RARB: variants seen among roughly 807,000 people sequenced by gnomAD.
RARB encodes retinoic acid receptor beta, also known as HBV-activated protein.
RARB carries 17 observed loss-of-function variants against 51.9 expected under a neutral mutation model. The ratio of observed to expected loss-of-function variants is 0.33; its 90% CI spans 0.22 to 0.49. The LOEUF is 0.49. Among genes scored for constraint, RARB ranks in the 20% least tolerant of loss-of-function variants. The pLI, the probability that RARB is intolerant of heterozygous loss-of-function variation, is 0.99. For missense variants in RARB, 369 were observed against 550.8 expected (o/e 0.67, Z 3.30); for synonymous variants, 215 against 195.4 (o/e 1.10, Z -0.84).
chr3:25,184,916 T>C (rs1015878488), intron 5 of RARB, among the ~76,000 whole-genome samples: 2 of 151,830 alleles, frequency 1.3e-5, no homozygotes, highest in African/African-American at 4.8e-5. Context: ...AAAAAAAAAG[T>C]AAAAACTTAG....
intron 1 of RARB, among the ~76,000 whole-genome samples, chr3:24,850,446 A>T (rs777196055): frequency 1.1e-4 from 17 of 152,170 alleles, no homozygotes; most frequent in Non-Finnish European, 2.2e-4. Flanking sequence ...GCTCAACAGG[A>T]TGGGGATGTT....
intron 3 of RARB, among the ~76,000 whole-genome samples, chr3:25,515,371 C>T (rs1272034903): frequency 6.6e-6 from 1 of 152,150 alleles, no homozygotes; most frequent in African/African-American, 2.4e-5. Flanking sequence ...TTGGCAGTAT[C>T]TCCTAAAGCT....
chr3:25,028,565 C>T (rs954096098), intron 2 of RARB, among the ~76,000 whole-genome samples: 4 of 151,846 alleles, frequency 2.6e-5, no homozygotes, highest in Admixed American at 6.6e-5. Context: ...CTGATAAAAA[C>T]AGTTATAGGT....
rs769275874 is a variant in RARB, at chr3:24,989,774, CTTTTTTTTTTTTTTTTTTTTTT to C, written c.-379-70336_-379-70315del. Among the ~76,000 whole-genome samples, 66 of 29,532 alleles carry C rather than the reference CTTTTTTTTTTTTTTTTTTTTTT, an allele frequency of 2.2e-3. 17 individuals carry two copies. Among genetic ancestry groups the C allele is most frequent in the African/African-American group, 7.7e-3 (61 of 7,882 alleles). The allele number at this position is 29,532 out of a possible 152,430, so 19.4% of individuals were successfully genotyped here. A position where few individuals can be genotyped will look rare whatever the true frequency, so the allele number is the denominator to read the frequency against. On this transcript the variant is annotated intron_variant, in intron 2 of 11. Coordinates refer to the RARB transcript ENST00000383772. ...ATTTTAACTGTTGTCATATGTTTTT[CTTTTTTTTTTTTTTTTTTTTTT>C]TTTTTTTTTTTTTTGAGACGGAGTC...
chr3:24,904,088 A>G (rs979709756), intron 2 of RARB, among the ~76,000 whole-genome samples: 6 of 152,228 alleles, frequency 3.9e-5, no homozygotes, highest in Non-Finnish European at 8.8e-5. Context: ...TTAATTTTAG[A>G]AACAACAAGA....
At chr3:25,589,941 T>G (rs1186294783) in intron 5 of RARB, among the ~76,000 whole-genome samples, 1 of 152,174 alleles carries the variant, frequency 6.6e-6, no homozygotes, top group Admixed American at 6.5e-5. Context: ...TTGATTTTAG[T>G]GTGACAAAAT....
chr3:24,919,143 T>C (rs1366158421), intron 2 of RARB, among the ~76,000 whole-genome samples: 2 of 152,172 alleles, frequency 1.3e-5, no homozygotes, highest in Non-Finnish European at 2.9e-5. Flanking sequence ...ATTTAACACA[T>C]TGAGAGCTTA....
At chr3:25,332,634 C>G (rs191605621) in intron 5 of RARB, among the ~76,000 whole-genome samples, 152 of 152,310 alleles carry the variant, frequency 1.0e-3, no homozygotes, top group Non-Finnish European at 1.7e-3. Context: ...GATGACCTCT[C>G]TCACCACTCC....
At chr3:25,150,808 G>C (rs921386110) in intron 4 of RARB, among the ~76,000 whole-genome samples, 4 of 152,182 alleles carry the variant, frequency 2.6e-5, no homozygotes, top group Admixed American at 2.0e-4. Context: ...AGTAGTTTTA[G>C]AAACCCAAGA....
At chr3:25,435,480 A>G (rs1367342111) in intron 1 of RARB, among the ~76,000 whole-genome samples, 1 of 152,154 alleles carries the variant, frequency 6.6e-6, no homozygotes, top group East Asian at 1.9e-4. Flanking sequence ...AAGGCCGATG[A>G]TCTGAAGGCC....
chr3:25,338,433 T>G (rs890903200), intron 5 of RARB, among the ~76,000 whole-genome samples: 12 of 152,196 alleles, frequency 7.9e-5, no homozygotes, highest in Non-Finnish European at 4.4e-5. Context: ...CAGAGAGACA[T>G]TCTCTTTGCC....
rs534210372 is a variant in RARB, at chr3:25,108,584, C to CTGCCAGGA, written c.-327-23576_-327-23569dup. ...GACTCAGTCGCGTGGTCACATCTAA[C>CTGCCAGGA]TGCCAGGAAGCCTGGGAAATGTCTA... On this transcript the variant is annotated intron_variant, in intron 3 of 11. Transcript: ENST00000383772. 7.9e-3 allele frequency among the ~76,000 whole-genome samples: 1,197 copies of CTGCCAGGA among 152,196 alleles called. 4 individuals are homozygous for CTGCCAGGA. Among genetic ancestry groups the CTGCCAGGA allele is most frequent in the Middle Eastern group, 0.024 (7 of 294 alleles).
chr3:24,998,001 A>C (rs1385854603), intron 2 of RARB, among the ~76,000 whole-genome samples: 3 of 151,986 alleles, frequency 2.0e-5, no homozygotes, highest in African/African-American at 4.8e-5. Flanking sequence ...ATCATTTTTA[A>C]CCTCGCAGTA....
At chr3:25,249,304 C>G (rs576237013) in intron 5 of RARB, among the ~76,000 whole-genome samples, 3 of 152,120 alleles carry the variant, frequency 2.0e-5, no homozygotes, top group Admixed American at 6.5e-5. Context: ...ATATCTGTCT[C>G]TTAATAAATT....
intron 5 of RARB, among the ~76,000 whole-genome samples, chr3:25,240,532 T>G (rs187877830): frequency 3.9e-5 from 6 of 152,288 alleles, no homozygotes; most frequent in Non-Finnish European, 8.8e-5. Flanking sequence ...TGATAGTTTT[T>G]TATCATGAAG....
intron 2 of RARB, among the ~76,000 whole-genome samples, chr3:24,908,331 A>AT (rs1338586715): frequency 6.6e-6 from 1 of 151,678 alleles, no homozygotes; most frequent in African/African-American, 2.4e-5. Context: ...GCAAATGCCT[A>AT]TTTTTTAAAA....
chr3:24,886,447 C>CT (rs35659222), intron 2 of RARB, among the ~76,000 whole-genome samples: 97,371 of 144,000 alleles, frequency 0.68, 32,963 homozygotes, highest in East Asian at 0.86. Context: ...TGTAAACAAA[C>CT]TTTTTTTTTT....
At chr3:24,909,528 A>G (rs1179435735) in intron 2 of RARB, among the ~76,000 whole-genome samples, 4 of 150,890 alleles carry the variant, frequency 2.7e-5, no homozygotes, top group East Asian at 1.9e-4. Flanking sequence ...TAGGTGTTCC[A>G]TCTTGGAAGT....
chr3:25,540,989 A>G (rs1313044743), intron 3 of RARB, among the ~76,000 whole-genome samples: 2 of 152,172 alleles, frequency 1.3e-5, no homozygotes, highest in Admixed American at 6.5e-5. Flanking sequence ...TAAGTTCTCT[A>G]ATGACCTAAA....
Sources: allele counts gnomAD v4.1 joint callset (sites outside exome capture counted in the v4.1 genomes callset), GRCh38; gene constraint gnomAD v4.1.1; transcripts MANE v1.5; gene names NCBI Gene and HGNC (gene_info 2026-07-23, HGNC 2026-07-21).